Variants in NDUFAF6 observed in about 807,000 individuals in gnomAD.
The protein encoded by NDUFAF6 is NADH:ubiquinone oxidoreductase complex assembly factor 6.
In NDUFAF6, 45 loss-of-function variants were observed where a neutral mutation model predicts 40.8. The ratio of observed to expected loss-of-function variants is 1.10; its 90% confidence interval spans 0.87 to 1.42. NDUFAF6 has a LOEUF of 1.42. Ranked by LOEUF, NDUFAF6 falls within the 40% of genes most tolerant of loss-of-function variation. The probability of loss-of-function intolerance (pLI) is 0.00; values close to 1 mark genes in which losing one functional copy is unlikely to be tolerated. For synonymous variants in NDUFAF6, 185 were observed against 155.9 expected, an observed-to-expected ratio of 1.19 and a Z score of -1.39; for missense variants, 435 against 418.5, an observed-to-expected ratio of 1.04 and a Z score of -0.34.
chr8:95,073,394 C>G (rs976889310), intron 9 of NDUFAF6, among the ~76,000 whole-genome samples: 1 of 152,224 alleles, frequency 6.6e-6, no homozygotes, highest in Non-Finnish European at 1.5e-5. Flanking sequence ...TAGGCAGCGC[C>G]ACCTCTCCCG....
At position 94,996,424 on chromosome 8, in the gene NDUFAF6, T is replaced by C. The variant is rs547275945; in HGVS notation, c.-84+15451T>C. 4.6e-5 allele frequency among the ~76,000 whole-genome samples: 7 copies of C among 152,368 alleles called. No homozygotes were observed. In the South Asian group the frequency reaches 1.4e-3, roughly 32 times the overall value. ...GTTGGGTTGTCTATAACTATTTTCA[T>C]GTATTTAACTGACATATAAGTATGA... On this transcript the variant is annotated intron_variant, in intron 2 of 9. Coordinates refer to the NDUFAF6 transcript ENST00000396111.
chr8:94,988,908 T>C (rs942010993), intron 2 of NDUFAF6: 6 of 152,252 alleles, frequency 3.9e-5, no homozygotes, highest in African/African-American at 1.4e-4. Flanking sequence ...AAAGACATTA[T>C]GCTAAGTGAA....
intron 9 of NDUFAF6, among the ~76,000 whole-genome samples, chr8:95,074,042 G>A (rs1832956523): frequency 6.6e-6 from 1 of 152,158 alleles, no homozygotes; most frequent in Admixed American, 6.5e-5. Flanking sequence ...AAATATTTAT[G>A]TCTGGAATTA....
chr8:95,032,227 C>T lies in NDUFAF6; in HGVS notation c.297+133C>T, dbSNP rs1158024629. 22 of 775,102 alleles carry T rather than the reference C, an allele frequency of 2.8e-5. No homozygotes were observed. The East Asian group carries it at 4.9e-4, about 17-fold the overall frequency. 48.0% of individuals were successfully genotyped at this position (775,102 alleles called of 1,614,324 possible). A position where few individuals can be genotyped will look rare whatever the true frequency, so the allele number is the denominator to read the frequency against. On this transcript the variant is annotated intron_variant, in intron 2 of 8. Coordinates refer to ENST00000396124, the MANE Select transcript of NDUFAF6 (RefSeq NM_152416.4). Reference sequence around the variant, plus strand: ...AGGTCTCTGCTAGTGATTTCTTTTCCCTGCTAACTGTTTAGGCTTAGTAAT... The same window carrying T: ...AGGTCTCTGCTAGTGATTTCTTTTCTCTGCTAACTGTTTAGGCTTAGTAAT...
intron 5 of NDUFAF6, 86 bp downstream of exon 5, chr8:95,045,733 G>A: frequency 9.5e-7 from 1 of 1,052,632 alleles, no homozygotes; most frequent in Non-Finnish European, 1.5e-6. Flanking sequence ...AATCTAACCA[G>A]TTTAGCACTA....
chr8:95,024,834 G>A (rs1827870121), upstream of NDUFAF6, among the ~76,000 whole-genome samples: 1 of 152,246 alleles, frequency 6.6e-6, no homozygotes, highest in African/African-American at 2.4e-5. Flanking sequence ...AGGCCAAAGA[G>A]TCGCGGCGGC....
upstream of NDUFAF6, among the ~76,000 whole-genome samples, chr8:95,096,718 A>C (rs1026478610): frequency 6.6e-6 from 1 of 152,238 alleles, no homozygotes; most frequent in African/African-American, 2.4e-5. Flanking sequence ...GATTCAAAGC[A>C]GATCGTATCA....
intron 1 of NDUFAF6, among the ~76,000 whole-genome samples, chr8:94,975,641 G>A (rs757827539): frequency 3.3e-5 from 5 of 152,172 alleles, no homozygotes; most frequent in South Asian, 2.1e-4. Flanking sequence ...ACAGGTGGGA[G>A]GAAAGAGGCT....
intron 4 of NDUFAF6, chr8:95,044,681 C>T (rs1324634682): frequency 6.6e-6 from 1 of 151,772 alleles, no homozygotes; most frequent in Non-Finnish European, 1.5e-5. Context: ...GTCTTGAACT[C>T]CTGACCTCAG....
At chr8:95,014,246 G>A (rs989568586) in intron 2 of NDUFAF6, among the ~76,000 whole-genome samples, 26 of 152,244 alleles carry the variant, frequency 1.7e-4, no homozygotes, top group African/African-American at 6.0e-4. Flanking sequence ...TAGATGGGGC[G>A]GGGAGTGTGA....
At chr8:95,111,737 G>T (rs1021987526) in intron 4 of NDUFAF6, among the ~76,000 whole-genome samples, 25 of 152,100 alleles carry the variant, frequency 1.6e-4, no homozygotes, top group African/African-American at 6.0e-4. Flanking sequence ...TAACCAAAGG[G>T]GTCCTGGAAC....
intron 1 of NDUFAF6, among the ~76,000 whole-genome samples, chr8:94,941,937 C>G (rs1430145762): frequency 3.9e-5 from 6 of 152,118 alleles, no homozygotes; most frequent in Non-Finnish European, 7.4e-5. Flanking sequence ...GGTTTTTTTC[C>G]CCCACAAACT....
intron 4 of NDUFAF6, among the ~76,000 whole-genome samples, chr8:95,043,132 T>C (rs1236602398): frequency 2.0e-5 from 3 of 150,542 alleles, no homozygotes; most frequent in South Asian, 2.1e-4. Context: ...GTTGCCAGGC[T>C]GGAGTGCAGT....
chr8:94,979,103 A>C (rs773394571), intron 1 of NDUFAF6, among the ~76,000 whole-genome samples: 7 of 152,206 alleles, frequency 4.6e-5, no homozygotes, highest in Non-Finnish European at 8.8e-5. Flanking sequence ...TGATTTTAGC[A>C]TGCGGCTAAA....
rs1809128028 is a variant in NDUFAF6 at position 95,088,570 on chromosome 8, A to G, written n.214-12562A>G. On this transcript the variant is annotated intron_variant and non_coding_transcript_variant, in intron 2 of 5. Transcript: ENST00000523184. ...GTCTCCTCTCTAGATGCTGCAGCCC[A>G]TTCCCCTTTTTGACATGTACACTGG... Among the ~76,000 whole-genome samples the G allele has an allele frequency of 3.3e-5, 5 of 152,070 alleles. No individual in the cohort carries two copies. In the South Asian group the frequency reaches 1.0e-3, roughly 32 times the overall value.
At chr8:94,939,997 G>C (rs1821365290) in intron 1 of NDUFAF6, 2 of 1,614,190 alleles carry the variant, frequency 1.2e-6, no homozygotes, top group Non-Finnish European at 1.7e-6. Context: ...TTTCCACCTT[G>C]ATAGTGGTTA....
chr8:95,010,374 A>C (rs1827177639), intron 2 of NDUFAF6, among the ~76,000 whole-genome samples: 1 of 152,212 alleles, frequency 6.6e-6, no homozygotes, highest in Admixed American at 6.5e-5. Flanking sequence ...GGTGTGAGCC[A>C]CTGCACCTGG....
chr8:95,114,955 G>A (rs1052610362), intron 4 of NDUFAF6, among the ~76,000 whole-genome samples: 1 of 152,016 alleles, frequency 6.6e-6, no homozygotes, highest in Non-Finnish European at 1.5e-5. Flanking sequence ...CCAGCTACTC[G>A]GGAGGCTGAG....
chr8:95,061,059 C>T (rs983877449), downstream of NDUFAF6, among the ~76,000 whole-genome samples: 10 of 151,896 alleles, frequency 6.6e-5, no homozygotes, highest in African/African-American at 2.4e-4. Context: ...GGGTTGTTGA[C>T]GTTTTTGTGG....
Sources: gnomAD v4.1 joint callset for allele counts (sites outside exome capture counted in the v4.1 genomes callset) on GRCh38, gnomAD v4.1.1 for gene constraint, MANE v1.5 for transcripts, NCBI Gene and HGNC (gene_info 2026-07-23, HGNC 2026-07-21) for gene names.